Variants in APAF1 observed in about 807,000 individuals in gnomAD.
APAF1 encodes the protein apoptotic peptidase activating factor 1, also known as apoptotic protease-activating factor 1.
A neutral mutation model predicts 152.4 loss-of-function variants in APAF1; 91 were observed. The observed-to-expected ratio is 0.60, with a 90% CI of 0.50 to 0.71. The LOEUF is 0.71. APAF1 is among the 30% of genes least tolerant of loss of function. The pLI is 0.00. For synonymous variants in APAF1, 484 were observed against 494.1 expected (o/e 0.98, Z 0.27); for missense variants, 1,283 against 1,472.0 (o/e 0.87, Z 2.10).
At chr12:98,667,095 T>C in intron 9 of APAF1, among the ~76,000 whole-genome samples, 1 of 149,538 alleles carries the variant, frequency 6.7e-6, no homozygotes, top group Non-Finnish European at 1.5e-5. Flanking sequence ...GGGGAGATTC[T>C]CTGTATATAT....
chr12:98,722,608 CCA>C (rs2097744564), intron 22 of APAF1, among the ~76,000 whole-genome samples: 1 of 152,138 alleles, frequency 6.6e-6, no homozygotes, highest in African/African-American at 2.4e-5. Flanking sequence ...TTCATTCCCC[CCA>C]CCCCTTTCCT....
chr12:98,695,969 T>G (rs1475732991), intron 16 of APAF1, among the ~76,000 whole-genome samples: 1 of 152,250 alleles, frequency 6.6e-6, no homozygotes, highest in Non-Finnish European at 1.5e-5. Flanking sequence ...TGCCTATTAC[T>G]TGCCTTTCTG....
At chr12:98,709,717 G>A (rs1326456700) in intron 20 of APAF1, among the ~76,000 whole-genome samples, 1 of 152,174 alleles carries the variant, frequency 6.6e-6, no homozygotes, top group African/African-American at 2.4e-5. Context: ...ACTGTGACTT[G>A]TGGCTGAGAG....
At chr12:98,682,153 A>G (rs1449389861) in intron 14 of APAF1, among the ~76,000 whole-genome samples, 1 of 148,382 alleles carries the variant, frequency 6.7e-6, no homozygotes, top group Non-Finnish European at 1.5e-5. Context: ...TCCCGGGTTC[A>G]TGCCATTCTC....
At position 98,658,022 on chromosome 12, in the gene APAF1, T is replaced by C. The variant is rs2097659993; in HGVS notation, c.527-1138T>C. Among the ~76,000 whole-genome samples, 3 of 152,220 alleles carry C rather than the reference T, an allele frequency of 2.0e-5. No individual in the cohort carries two copies. The South Asian group carries it at 6.2e-4, about 31-fold the overall frequency. The stretch of plus-strand genomic sequence containing the variant: ...GTATTTAATTATTTGTGAATACCAG[T>C]AAATAAATTGCCCTTTGGTGTAATT... On this transcript the variant is annotated intron_variant, in intron 4 of 26. Transcript: ENST00000551964.
chr12:98,658,100 C>A (rs950585921), intron 4 of APAF1, among the ~76,000 whole-genome samples: 1 of 151,962 alleles, frequency 6.6e-6, no homozygotes, highest in African/African-American at 2.4e-5. Flanking sequence ...TGTTTAAGAT[C>A]ACATAAATCT....
In APAF1 at chr12:98,725,679, G is replaced by A. The variant is rs1302756024; in HGVS notation, c.3456+139G>A. ...GGATGAGGCATTCTTTTTGTTTCTTGTGCACATTGTATTCACAGCTGCACT... is the reference window on the plus strand; with the variant it reads ...GGATGAGGCATTCTTTTTGTTTCTTATGCACATTGTATTCACAGCTGCACT... On this transcript the variant is annotated intron_variant, in intron 25 of 26. Transcript: ENST00000551964. 4.3e-6 allele frequency: 5 copies of A among 1,174,434 alleles called. No individual in the cohort carries two copies. In the African/African-American group the frequency reaches 4.5e-5, roughly 11 times the overall value. 72.8% of individuals were successfully genotyped at this position (1,174,434 alleles called of 1,614,324 possible).
chr12:98,728,857 A>C lies in APAF1; in HGVS notation c.3600+1541A>C, dbSNP rs142409655. 4.6e-3 allele frequency among the ~76,000 whole-genome samples: 697 copies of C among 152,306 alleles called. 7 individuals are homozygous for C. Among genetic ancestry groups the C allele is most frequent in the African/African-American group, 0.016 (652 of 41,564 alleles). On this transcript the variant is annotated intron_variant, in intron 26 of 26. Transcript: ENST00000551964. ...AAAACTTACTAGTGATTGAGGCCGC[A>C]ATTTGAATGTGTTGTGGTGCTTCAG...
intron 16 of APAF1, among the ~76,000 whole-genome samples, chr12:98,690,205 G>A (rs1031704747): frequency 2.0e-5 from 3 of 152,178 alleles, no homozygotes; most frequent in Non-Finnish European, 4.4e-5. Flanking sequence ...GCTGACGGAA[G>A]ATAACTGTTT....
At chr12:98,651,297 T>C (rs530783506) in intron 4 of APAF1, among the ~76,000 whole-genome samples, 219 of 152,358 alleles carry the variant, frequency 1.4e-3, no homozygotes, top group African/African-American at 5.1e-3. Context: ...CCCCTCTCCA[T>C]GGACAATCCT....
chr12:98,725,221 TA>T (rs1210835323), intron 24 of APAF1, among the ~76,000 whole-genome samples, 193 bp from the exon 25 acceptor site: 1 of 152,208 alleles, frequency 6.6e-6, no homozygotes, highest in Non-Finnish European at 1.5e-5. Context: ...GAGCTGAATT[TA>T]ACTTGAGTAA....
At chr12:98,652,283 C>A (rs891099432) in intron 4 of APAF1, among the ~76,000 whole-genome samples, 1 of 152,148 alleles carries the variant, frequency 6.6e-6, no homozygotes, top group African/African-American at 2.4e-5. Context: ...TATACAAATA[C>A]CAAATTTGAT....
chr12:98,659,064 T>A, intron 4 of APAF1, 96 bp from the exon 5 acceptor site: 1 of 1,190,460 alleles, frequency 8.4e-7, no homozygotes, highest in Non-Finnish European at 1.2e-6. Context: ...TGTGATGGGA[T>A]TGTAAATTGG....
At chr12:98,695,259 G>T (rs1023776136) in intron 16 of APAF1, among the ~76,000 whole-genome samples, 2 of 152,038 alleles carry the variant, frequency 1.3e-5, no homozygotes, top group South Asian at 4.2e-4. Flanking sequence ...CACCATGTTG[G>T]CCAGGCTGGT....
intron 16 of APAF1, among the ~76,000 whole-genome samples, chr12:98,695,360 C>CTG (rs917622289): frequency 6.9e-6 from 1 of 144,914 alleles, no homozygotes; most frequent in African/African-American, 2.8e-5. Context: ...GCCGCCCCCC[C>CTG]CCTTTTTTTT....
intron 26 of APAF1, among the ~76,000 whole-genome samples, chr12:98,730,661 G>C (rs2097759492): frequency 6.6e-6 from 1 of 152,178 alleles, no homozygotes; most frequent in Admixed American, 6.5e-5. Context: ...AACTGATTAT[G>C]ATATAGCCCA....
chr12:98,671,449 C>T lies in APAF1; in HGVS notation c.1609-86C>T. ...TCATATAAAGAATATTTCATTTAAGCTTTTAAAGTGGCAAGATCACAGAAA... is the reference window on the plus strand; with the variant it reads ...TCATATAAAGAATATTTCATTTAAGTTTTTAAAGTGGCAAGATCACAGAAA... On this transcript the variant is annotated intron_variant, in intron 11 of 26. Coordinates refer to ENST00000551964, the MANE Select transcript of APAF1 (RefSeq NM_181861.2). 3.0e-6 allele frequency: 4 copies of T among 1,312,124 alleles called. No homozygotes were observed. In the South Asian group the frequency reaches 3.6e-5, roughly 12 times the overall value. The allele number at this position is 1,312,124 out of a possible 1,614,324, so 81.3% of individuals were successfully genotyped here.
chr12:98,672,867 G>A (rs2097682024), intron 12 of APAF1, among the ~76,000 whole-genome samples: 2 of 151,686 alleles, frequency 1.3e-5, no homozygotes, highest in Admixed American at 1.3e-4. Flanking sequence ...CCATTCTCCT[G>A]CCTCAGCCTC....
At chr12:98,678,416 TC>T (rs1205049523) in intron 13 of APAF1, among the ~76,000 whole-genome samples, 2 of 152,130 alleles carry the variant, frequency 1.3e-5, no homozygotes, top group African/African-American at 4.8e-5. Flanking sequence ...CCCTACCCCT[TC>T]TGAATTGGGG....
Sources: gnomAD v4.1 joint callset for allele counts (sites outside exome capture counted in the v4.1 genomes callset) on GRCh38, gnomAD v4.1.1 for gene constraint, MANE v1.5 for transcripts, NCBI Gene and HGNC (gene_info 2026-07-23, HGNC 2026-07-21) for gene names.